Variants in INSL6 observed in about 807,000 individuals in gnomAD.
INSL6 encodes the protein insulin-like peptide INSL6.
INSL6 carries 16 observed loss-of-function variants against 9.4 expected under a neutral mutation model. That is an observed-to-expected ratio of 1.70 (90% CI 1.15 to 2.59). The LOEUF is 2.59. INSL6 is among the 30% of genes most tolerant of loss of function. INSL6 has a pLI of 0.00. For synonymous variants in INSL6, 154 were observed against 96.9 expected (o/e 1.59, Z -3.46); for missense variants, 391 against 257.3 (o/e 1.52, Z -3.56).
At chr9:5,090,649 CATAGATA>C in the INSL6 span, 4 of 1,511,076 alleles carry the variant, frequency 2.6e-6, no homozygotes, top group Non-Finnish European at 3.6e-6. Flanking sequence ...TAGACGTTTT[CATAGATA>C]ATAAAGGGAA....
the INSL6 span, among the ~76,000 whole-genome samples, chr9:5,058,230 T>C: frequency 8.5e-5 from 13 of 152,184 alleles, no homozygotes; most frequent in Non-Finnish European, 1.8e-4. Context: ...CTCACACTGC[T>C]ATAAAGATAC....
chr9:5,091,691 T>C, the INSL6 span: 18 of 152,162 alleles, frequency 1.2e-4, no homozygotes, highest in African/African-American at 4.3e-4. Flanking sequence ...TGGTTTTTGG[T>C]ATAGACTTTT....
the INSL6 span, among the ~76,000 whole-genome samples, chr9:5,040,259 A>G: frequency 6.6e-6 from 1 of 152,062 alleles, no homozygotes; most frequent in African/African-American, 2.4e-5. Flanking sequence ...CATGTAAACT[A>G]ATGAAGTAAG....
chr9:5,003,378 C>A, the INSL6 span, among the ~76,000 whole-genome samples: 1 of 151,918 alleles, frequency 6.6e-6, no homozygotes, highest in African/African-American at 2.4e-5. Context: ...TCTTATTTAG[C>A]TAGCATTTAT....
At chr9:5,050,876 T>C in the INSL6 span, 1 of 1,485,394 alleles carries the variant, frequency 6.7e-7, no homozygotes, top group Non-Finnish European at 9.3e-7. Flanking sequence ...TGAGTAGAGA[T>C]TTTATATAAT....
chr9:5,131,591 C>G (rs1005103361), intron 3 of INSL6, among the ~76,000 whole-genome samples: 4 of 151,898 alleles, frequency 2.6e-5, no homozygotes, highest in African/African-American at 9.7e-5. Context: ...GTGCCCGCCA[C>G]CACGCCCGGC....
the INSL6 span, among the ~76,000 whole-genome samples, chr9:4,993,070 A>G: frequency 6.6e-6 from 1 of 152,130 alleles, no homozygotes; most frequent in African/African-American, 2.4e-5. Context: ...TTTATATAGC[A>G]ACTGTCCCTT....
chr9:5,157,745 T>C (rs995452148), intron 2 of INSL6, among the ~76,000 whole-genome samples: 25 of 152,296 alleles, frequency 1.6e-4, no homozygotes, highest in African/African-American at 5.8e-4. Flanking sequence ...AAACCCAGAC[T>C]GGGAAGACTA....
chr9:5,120,524 C>T (rs1237923692), downstream of INSL6, among the ~76,000 whole-genome samples: 3 of 152,040 alleles, frequency 2.0e-5, no homozygotes, highest in Admixed American at 6.6e-5. Context: ...ATATGGTTGA[C>T]GGTAATAACT....
chr9:5,171,436 C>A (rs141481257), intron 1 of INSL6, among the ~76,000 whole-genome samples: 1 of 152,276 alleles, frequency 6.6e-6, no homozygotes, highest in African/African-American at 2.4e-5. Flanking sequence ...GTTAAGGATG[C>A]CCTCTCATCA....
At chr9:5,159,329 C>T (rs1481863766), downstream of INSL6, among the ~76,000 whole-genome samples, 2 of 148,844 alleles carry the variant, frequency 1.3e-5, no homozygotes, top group African/African-American at 5.0e-5. Context: ...ACTAAACTCC[C>T]CAATTAAAAG....
At chr9:5,067,301 C>T in the INSL6 span, among the ~76,000 whole-genome samples, 6 of 151,856 alleles carry the variant, frequency 4.0e-5, no homozygotes, top group East Asian at 5.8e-4. Context: ...CATGTTTCAA[C>T]GGTAAAACTG....
chr9:5,041,683 A>G, the INSL6 span: 1 of 511,342 alleles, frequency 2.0e-6, no homozygotes, highest in African/African-American at 2.0e-5. Context: ...TACCTCTTCG[A>G]CCGAAGCGGC....
chr9:5,118,962 T>G (rs1823408737), downstream of INSL6, among the ~76,000 whole-genome samples: 1 of 152,190 alleles, frequency 6.6e-6, no homozygotes, highest in South Asian at 2.1e-4. Flanking sequence ...TAAAATTAAT[T>G]CCAACTATAT....
At chr9:5,054,999 T>G in the INSL6 span, 2 of 743,728 alleles carry the variant, frequency 2.7e-6, no homozygotes, top group East Asian at 5.5e-5. The surrounding 1 kb of genome is among the most constrained non-coding windows in gnomAD (Gnocchi z 4.9). Flanking sequence ...TTGATAGAAG[T>G]GGAAGTTTTT....
chr9:5,112,506 C>A, the INSL6 span: 1 of 564,468 alleles, frequency 1.8e-6, no homozygotes, highest in Non-Finnish European at 3.2e-6. Context: ...AGGAAGATGA[C>A]CTTTTCCCCC....
intron 2 of INSL6, among the ~76,000 whole-genome samples, chr9:5,147,711 C>G (rs886522130): frequency 6.6e-6 from 1 of 152,166 alleles, no homozygotes; most frequent in African/African-American, 2.4e-5. Context: ...AATTTAGTTT[C>G]TTTACATAAT....
the INSL6 span, among the ~76,000 whole-genome samples, chr9:5,060,716 A>G: frequency 6.6e-6 from 1 of 152,162 alleles, no homozygotes; most frequent in Non-Finnish European, 1.5e-5. Context: ...ACTTCTTCCA[A>G]ATTCCTGATA....
chr9:5,078,099 C>CAG, the INSL6 span, among the ~76,000 whole-genome samples: 1 of 152,182 alleles, frequency 6.6e-6, no homozygotes, highest in African/African-American at 2.4e-5. Context: ...TTATTCATTT[C>CAG]ATCACAAGCA....
Sources: allele counts gnomAD v4.1 joint callset (sites outside exome capture counted in the v4.1 genomes callset), GRCh38; gene constraint gnomAD v4.1.1; non-coding constraint Gnocchi (gnomAD v3.1); transcripts MANE v1.5; gene names NCBI Gene and HGNC (gene_info 2026-07-23, HGNC 2026-07-21).